FCHO1: variants seen among roughly 807,000 people sequenced by gnomAD.
The protein encoded by FCHO1 is FCH and mu domain containing endocytic adaptor 1.
A neutral mutation model predicts 114.4 loss-of-function variants in FCHO1; 45 were observed. The observed-to-expected ratio is 0.39, with a 90% CI of 0.31 to 0.50. The LOEUF (loss-of-function observed/expected upper bound fraction) is 0.50, where lower values mean the gene tolerates loss of function less well. Among genes scored for constraint, FCHO1 ranks in the 20% least tolerant of loss-of-function variants. FCHO1 has a pLI of 0.77. For synonymous variants in FCHO1, 480 were observed against 488.9 expected, an observed-to-expected ratio of 0.98 and a Z score of 0.24; for missense variants, 1,042 against 1,209.6, an observed-to-expected ratio of 0.86 and a Z score of 2.06.
At chr19:17,759,666 T>G (rs1436291623) in intron 4 of FCHO1, among the ~76,000 whole-genome samples, 2 of 151,778 alleles carry the variant, frequency 1.3e-5, no homozygotes, top group African/African-American at 2.4e-5. Flanking sequence ...GGCGTGGTGG[T>G]TCACGCCTGT....
chr19:17,771,213 T>C (rs1157903598), intron 9 of FCHO1, among the ~76,000 whole-genome samples: 2 of 149,774 alleles, frequency 1.3e-5, no homozygotes, highest in African/African-American at 4.9e-5. Flanking sequence ...GATCGAGCCA[T>C]TGTACTCCAG....
intron 23 of FCHO1, 95 bp from the exon 24 acceptor site, chr19:17,782,922 G>A (rs140399515): frequency 3.5e-6 from 5 of 1,409,228 alleles, no homozygotes; most frequent in Non-Finnish European, 3.9e-6. Context: ...CGAGGAGTCT[G>A]GGGAGCCACA....
At chr19:17,781,173 GGAGGCCCCA>G in intron 20 of FCHO1, 49 bp from the exon 21 acceptor site, 1 of 1,279,766 alleles carries the variant, frequency 7.8e-7, no homozygotes, top group East Asian at 2.3e-5. Context: ...GTGCCCCTGG[GGAGGCCCCA>G]GAGGCCCCGG....
chr19:17,778,466 A>T lies in FCHO1; in HGVS notation c.1352-143A>T, dbSNP rs986337493. On this transcript the variant is annotated intron_variant, in intron 19 of 28. Transcript: ENST00000596536. ...ATTTGTGGAGAGGGAAGTCACCAGA[A>T]GGTGTAGCCTTGGGGGCGTGCACAA... is the stretch of plus-strand genomic sequence containing the variant. The T allele has an allele frequency of 1.9e-5, 18 of 962,546 alleles. No homozygotes were observed. The African/African-American group carries it at 2.8e-4, about 15-fold the overall frequency. 59.6% of individuals were successfully genotyped at this position (962,546 alleles called of 1,614,324 possible).
upstream of FCHO1, among the ~76,000 whole-genome samples, chr19:17,749,019 G>A (rs1450753726): frequency 6.6e-6 from 1 of 152,144 alleles, no homozygotes; most frequent in Admixed American, 6.6e-5. Flanking sequence ...TGAGGGCATG[G>A]GGACAGGGAG....
At chr19:17,752,763 A>T (rs2082318208) in intron 1 of FCHO1, among the ~76,000 whole-genome samples, 1 of 151,158 alleles carries the variant, frequency 6.6e-6, no homozygotes, top group Non-Finnish European at 1.5e-5. Flanking sequence ...ATTTATTTTT[A>T]ATTAGTTAGA....
At position 17,781,333 on chromosome 19, in the gene FCHO1, A is replaced by T. The variant is rs138782496; in HGVS notation, c.1730A>T (p.Asn577Ile). 4 of 1,613,624 alleles carry T rather than the reference A, an allele frequency of 2.5e-6. No homozygotes were observed. The highest frequency in any genetic ancestry group is 3.4e-6 in the Non-Finnish European group (4 of 1,179,618). ...RKVSCPLTRS[N>I]GDLSRSLSPS... ...GTGTCCTGCCCTCTCACACGTAGCA[A>T]TGGGGACCTGGTAGGTGAGGGGGCG... is the stretch of plus-strand genomic sequence containing the variant. The change falls in exon 21 of 29, where the codon AAT becomes ATT. Residue 577 changes from asparagine (N) to isoleucine (I), a missense_variant. Physicochemically the swap from Asn to Ile is moderately radical, Grantham distance 149. Around this residue, in one of 3 missense-constraint regions of FCHO1, gnomAD observed 455 missense variants for 455.4 expected, o/e 1.00. Transcript: ENST00000596536.
intron 9 of FCHO1, 110 bp from the exon 10 acceptor site, chr19:17,772,347 C>A: frequency 1.3e-6 from 1 of 795,702 alleles, no homozygotes; most frequent in African/African-American, 1.7e-5. Context: ...TTCCCCAAAT[C>A]AATCACTGAG....
upstream of FCHO1, among the ~76,000 whole-genome samples, chr19:17,748,534 G>A (rs2081155167): frequency 6.6e-6 from 1 of 151,664 alleles, no homozygotes; most frequent in African/African-American, 2.4e-5. Flanking sequence ...TTTTACTGAG[G>A]GGCGGGGTGT....
At chr19:17,785,364 G>A (rs2093780706) in intron 26 of FCHO1, among the ~76,000 whole-genome samples, 1 of 152,134 alleles carries the variant, frequency 6.6e-6, no homozygotes, top group Admixed American at 6.6e-5. Context: ...GGGATTACAG[G>A]TGCCTGCTAC....
At chr19:17,748,364 C>G (rs967719445), upstream of FCHO1, among the ~76,000 whole-genome samples, 1 of 152,110 alleles carries the variant, frequency 6.6e-6, no homozygotes. Context: ...CAGTCCTCCA[C>G]CTTAAGGATG....
At chr19:17,780,415 C>T (rs941672035) in intron 20 of FCHO1, among the ~76,000 whole-genome samples, 21 of 152,190 alleles carry the variant, frequency 1.4e-4, no homozygotes, top group African/African-American at 4.8e-4. Context: ...CTGCCTGCCT[C>T]GGCCTCCCAA....
chr19:17,772,892 A>C, intron 11 of FCHO1, 151 bp downstream of exon 11: 1 of 607,262 alleles, frequency 1.6e-6, no homozygotes, highest in Non-Finnish European at 2.8e-6. Flanking sequence ...CGAACTCTTG[A>C]CCTCAGGTGA....
Position 17,784,077 on chromosome 19 carries a change from G to A in FCHO1, c.2094-26G>A. On this transcript the variant is annotated intron_variant, in intron 24 of 28. Transcript: ENST00000596536. The surrounding 1 kb of genome is among the most constrained non-coding windows in gnomAD (Gnocchi z 5.3). ...CCTGGGAGGGCATGTCCCGAGGATT[G>A]GGGTGATCAGTCCGGGTCTCTGCAG... is the stretch of plus-strand genomic sequence containing the variant. 2 of 1,606,362 alleles carry A rather than the reference G, an allele frequency of 1.2e-6. No homozygotes were observed. The highest frequency in any genetic ancestry group is 1.7e-6 in the Non-Finnish European group (2 of 1,174,498).
chr19:17,784,836 G>A lies in FCHO1; in HGVS notation c.2338G>A (p.Ala780Thr). The stretch of plus-strand genomic sequence containing the variant: ...GTACGGCTACCGGCCCGGTGCCACG[G>A]CTGTGCCCACACCACTCACGAACGT... ...VEYGYRPGAT[A>T]VPTPLTNVQI... The change falls in exon 26 of 29, where the codon GCT becomes ACT. Residue 780 changes from alanine (A) to threonine (T), a missense_variant. By Grantham distance (58) the Ala-to-Thr change is moderately conservative. Around this residue, in one of 3 missense-constraint regions of FCHO1, gnomAD observed 137 missense variants for 190.0 expected, o/e 0.72. Transcript: ENST00000596536. This position sits in a 1 kb window ranked among gnomAD's most constrained non-coding sequence, Gnocchi z 5.3. 1 of 1,613,928 alleles carries A rather than the reference G, an allele frequency of 6.2e-7. No homozygotes were observed. The highest frequency in any genetic ancestry group is 1.7e-5 in the Admixed American group (1 of 60,028).
chr19:17,750,499 C>T (rs2081616611), upstream of FCHO1, among the ~76,000 whole-genome samples: 1 of 152,184 alleles, frequency 6.6e-6, no homozygotes, highest in Non-Finnish European at 1.5e-5. Context: ...CTCTCTGTCA[C>T]CCAGGCTGGA....
chr19:17,788,493 C>T lies in FCHO1; in HGVS notation c.*187C>T, dbSNP rs2094113518. ...TCCTCCCCCTCATGCCAACCCCACACAGGTCCCGGCCTTTTAATGTTCTTT... is the reference window on the plus strand; with the variant it reads ...TCCTCCCCCTCATGCCAACCCCACATAGGTCCCGGCCTTTTAATGTTCTTT... On this transcript the variant is annotated 3_prime_UTR_variant, in exon 29 of 29. Coordinates refer to ENST00000596536, the MANE Select transcript of FCHO1 (RefSeq NM_015122.3). The T allele has an allele frequency of 3.5e-6, 2 of 572,770 alleles. No individual in the cohort carries two copies. The highest frequency in any genetic ancestry group is 3.1e-5 in the East Asian group (1 of 32,214). The allele number at this position is 572,770 out of a possible 1,614,324, so 35.5% of individuals were successfully genotyped here. A position where few individuals can be genotyped will look rare whatever the true frequency, so the allele number is the denominator to read the frequency against.
At position 17,764,511 on chromosome 19, in the gene FCHO1, C is replaced by T. The variant is rs2087899472; in HGVS notation, c.194+62C>T. The T allele has an allele frequency of 2.9e-6, 4 of 1,380,466 alleles. No individual in the cohort carries two copies. The East Asian group carries it at 7.0e-5, about 24-fold the overall frequency. The allele number at this position is 1,380,466 out of a possible 1,614,324, so 85.5% of individuals were successfully genotyped here. Reference sequence around the variant, plus strand: ...GGAGCCTCCTCCTTGGTGGACATCTCTTCACACTCGGTGCATGTAGAATAG... The same window carrying T: ...GGAGCCTCCTCCTTGGTGGACATCTTTTCACACTCGGTGCATGTAGAATAG... On this transcript the variant is annotated intron_variant, in intron 6 of 28. Coordinates refer to ENST00000596536, the MANE Select transcript of FCHO1 (RefSeq NM_015122.3).
intron 4 of FCHO1, among the ~76,000 whole-genome samples, chr19:17,761,633 C>CAT (rs55848959): frequency 0.061 from 8,675 of 142,506 alleles, 330 homozygotes; most frequent in Non-Finnish European, 0.081. Flanking sequence ...CATGTATATA[C>CAT]ATATATATAT....
Sources: gnomAD v4.1 joint callset for allele counts (sites outside exome capture counted in the v4.1 genomes callset) on GRCh38, gnomAD v4.1.1 for gene constraint, gnomAD v4.1.1 regional missense constraint, Gnocchi (gnomAD v3.1) non-coding constraint, MANE v1.5 for transcripts, NCBI Gene and HGNC (gene_info 2026-07-23, HGNC 2026-07-21) for gene names.